The following TIAM1 variants were observed in gnomAD, a reference collection of about 807,000 sequenced individuals.
TIAM1 encodes the protein rho guanine nucleotide exchange factor TIAM1.
A neutral mutation model predicts 163.5 loss-of-function variants in TIAM1; 65 were observed. The observed-to-expected ratio is 0.40, with a 90% CI of 0.33 to 0.49. The LOEUF is 0.49. Ranked by LOEUF, TIAM1 falls within the 20% of genes least tolerant of loss-of-function variation. The pLI is 0.77. For missense variants in TIAM1, 1,789 were observed against 2,044.7 expected, an observed-to-expected ratio of 0.87 and a Z score of 2.41; for synonymous variants, 833 against 810.1, an observed-to-expected ratio of 1.03 and a Z score of -0.48.
chr21:31,254,366 A>T, intron 4 of TIAM1, among the ~76,000 whole-genome samples: 1 of 152,218 alleles, frequency 6.6e-6, no homozygotes, highest in East Asian at 1.9e-4. Context: ...CTCATGACTC[A>T]GCTGCAGGTA....
chr21:31,396,852 G>C (rs1260465683), intron 2 of TIAM1, among the ~76,000 whole-genome samples: 2 of 151,968 alleles, frequency 1.3e-5, no homozygotes, highest in Non-Finnish European at 2.9e-5. Context: ...TCAGGAGGCT[G>C]AGACAGGAGA....
chr21:31,321,333 A>G (rs2075305432), intron 2 of TIAM1, among the ~76,000 whole-genome samples: 1 of 103,668 alleles, frequency 9.6e-6, no homozygotes, highest in Non-Finnish European at 1.9e-5. Context: ...CCCATGCTCT[A>G]CTGTTTGTTT....
At chr21:31,384,927 A>G (rs561456464) in intron 2 of TIAM1, among the ~76,000 whole-genome samples, 1 of 152,278 alleles carries the variant, frequency 6.6e-6, no homozygotes, top group South Asian at 2.1e-4. Flanking sequence ...ACACCCACAC[A>G]AGCACACACA....
At chr21:31,213,228 T>A (rs1008879810) in intron 10 of TIAM1, 170 bp downstream of exon 10, 20 of 572,560 alleles carry the variant, frequency 3.5e-5, no homozygotes, top group African/African-American at 3.0e-4. Flanking sequence ...CAGTTTTAAA[T>A]ATAAAATGAT....
chr21:31,554,165 G>GT (rs2048792101), intron 1 of TIAM1, among the ~76,000 whole-genome samples: 2 of 152,074 alleles, frequency 1.3e-5, no homozygotes, highest in Admixed American at 6.6e-5. Context: ...ACAGAGAAGC[G>GT]TGTTTTGGGT....
chr21:31,269,318 G>T (rs909620805), intron 3 of TIAM1, among the ~76,000 whole-genome samples: 3 of 152,218 alleles, frequency 2.0e-5, no homozygotes, highest in African/African-American at 7.2e-5. Context: ...TAGGAAAGAA[G>T]CCACTTTTAT....
chr21:31,538,302 G>C (rs966195613), intron 1 of TIAM1, among the ~76,000 whole-genome samples: 1 of 152,058 alleles, frequency 6.6e-6, no homozygotes, highest in African/African-American at 2.4e-5. Context: ...CAGTACTTTG[G>C]GAGGTTGAGA....
chr21:31,181,756 C>T (rs111622600), intron 15 of TIAM1, among the ~76,000 whole-genome samples: 3,517 of 41,298 alleles, frequency 0.085, 82 homozygotes, highest in African/African-American at 0.091. Context: ...TCTTCTTCTT[C>T]TTTTTTTTTT....
At position 31,120,941 on chromosome 21, in the gene TIAM1, T is replaced by C; in HGVS notation, c.4307-104A>G. 1.9e-6 allele frequency: 2 copies of C among 1,033,724 alleles called. No individual in the cohort carries two copies. The highest frequency in any genetic ancestry group is 3.4e-5 in the South Asian group (2 of 59,350). 64.0% of individuals were successfully genotyped at this position (1,033,724 alleles called of 1,614,324 possible). A position where few individuals can be genotyped will look rare whatever the true frequency, so the allele number is the denominator to read the frequency against. ...GGAGAAAATAAAAACCAAAACGGTA[T>C]GCATTGAATGCCTTGATGTCTTTTG... On this transcript the variant is annotated intron_variant, in intron 27 of 27. Transcript: ENST00000541036. The surrounding 1 kb of genome is among the most constrained non-coding windows in gnomAD (Gnocchi z 4.2).
At chr21:31,298,133 T>A (rs113649084) in intron 2 of TIAM1, among the ~76,000 whole-genome samples, 1 of 152,244 alleles carries the variant, frequency 6.6e-6, no homozygotes, top group South Asian at 2.1e-4. Context: ...GTGGCTTGAC[T>A]GTCATGAGAA....
At chr21:31,166,034 C>T (rs1252469842) in intron 15 of TIAM1, among the ~76,000 whole-genome samples, 1 of 152,196 alleles carries the variant, frequency 6.6e-6, no homozygotes, top group Non-Finnish European at 1.5e-5. Context: ...CCCTGGGGTG[C>T]TTCTCAAACT....
chr21:31,410,869 G>A (rs905919078), intron 2 of TIAM1, among the ~76,000 whole-genome samples: 2 of 152,200 alleles, frequency 1.3e-5, no homozygotes, highest in South Asian at 4.1e-4. Context: ...TGTGTCTGAC[G>A]GCAACTAAAA....
At chr21:31,124,203 T>A (rs2082099451) in intron 27 of TIAM1, 2 of 258,460 alleles carry the variant, frequency 7.7e-6, no homozygotes, top group East Asian at 1.6e-4. Flanking sequence ...GCAAGCAGGC[T>A]GAGACAGCCT....
At chr21:31,390,073 CTTTCTT>C (rs1344139389) in intron 2 of TIAM1, among the ~76,000 whole-genome samples, 1 of 152,146 alleles carries the variant, frequency 6.6e-6, no homozygotes, top group Non-Finnish European at 1.5e-5. Context: ...AGCACAAAGA[CTTTCTT>C]AAGCAAGAAT....
intron 6 of TIAM1, among the ~76,000 whole-genome samples, chr21:31,228,881 C>T (rs1041486916): frequency 6.6e-5 from 10 of 152,102 alleles, no homozygotes; most frequent in South Asian, 4.2e-4. Context: ...CTTCTTCTCA[C>T]GGTGGCAGCG....
At chr21:31,541,703 A>C (rs544351590) in intron 1 of TIAM1, among the ~76,000 whole-genome samples, 1 of 152,322 alleles carries the variant, frequency 6.6e-6, no homozygotes, top group South Asian at 2.1e-4. Context: ...TTACAATTAT[A>C]TAAAAAGTAC....
At chr21:31,145,120 G>C (rs570025560) in intron 20 of TIAM1, among the ~76,000 whole-genome samples, 2 of 152,200 alleles carry the variant, frequency 1.3e-5, no homozygotes, top group East Asian at 1.9e-4. Context: ...TGCACACACA[G>C]AGCCATATGC....
chr21:31,286,148 T>A (rs2073801219), intron 2 of TIAM1, among the ~76,000 whole-genome samples: 1 of 152,228 alleles, frequency 6.6e-6, no homozygotes, highest in Non-Finnish European at 1.5e-5. Context: ...ATTATGAATA[T>A]CATCAACCTT....
chr21:31,333,450 T>C lies in TIAM1; in HGVS notation c.-189+5793A>G, dbSNP rs1168652936. ...TTCTATGAACTCTCTTTTTGTTTTT[T>C]CTTTTGCGACAGGGTCTGGCTCCGT... is the stretch of plus-strand genomic sequence containing the variant. On this transcript the variant is annotated intron_variant, in intron 2 of 27. Coordinates refer to ENST00000541036, the MANE Select transcript of TIAM1 (RefSeq NM_001353694.2). Among the ~76,000 whole-genome samples the C allele has an allele frequency of 2.0e-5, 3 of 152,192 alleles. No homozygotes were observed. The East Asian group carries it at 5.8e-4, about 29-fold the overall frequency.
Sources: allele counts gnomAD v4.1 joint callset (sites outside exome capture counted in the v4.1 genomes callset), GRCh38; gene constraint gnomAD v4.1.1; non-coding constraint Gnocchi (gnomAD v3.1); transcripts MANE v1.5; gene names NCBI Gene and HGNC (gene_info 2026-07-23, HGNC 2026-07-21).